The following ADAM10 variants were observed in gnomAD, a reference collection of about 807,000 sequenced individuals.
The protein encoded by ADAM10 is disintegrin and metalloproteinase domain-containing protein 10.
Under a neutral mutation model 90.1 loss-of-function variants are expected in ADAM10, and 17 were observed. The observed-to-expected ratio is 0.19, with a 90% CI of 0.13 to 0.28. The LOEUF (loss-of-function observed/expected upper bound fraction) is 0.28. Ranked by LOEUF, ADAM10 falls within the 10% of genes least tolerant of loss-of-function variation. The pLI is 1.00. For missense variants in ADAM10, 610 were observed against 914.3 expected, an observed-to-expected ratio of 0.67 and a Z score of 4.29; for synonymous variants, 310 against 298.6, an observed-to-expected ratio of 1.04 and a Z score of -0.40.
chr15:58,591,475 C>T lies in ADAM10; in HGVS notation c.*6072G>A, dbSNP rs2140979252. On this transcript the variant is annotated 3_prime_UTR_variant, in exon 16 of 16. Coordinates refer to ENST00000260408, the MANE Select transcript of ADAM10 (RefSeq NM_001110.4). The stretch of plus-strand genomic sequence containing the variant: ...ATGGAGTCTCACTATTTTGCCCAGG[C>T]TGGTCTCTAACTCCTGAGCTCAAGT... 1.3e-5 allele frequency: 2 copies of T among 152,072 alleles called. No individual in the cohort carries two copies. The highest frequency in any genetic ancestry group is 4.8e-5 in the African/African-American group (2 of 41,476). The allele number at this position is 152,072 out of a possible 1,614,324, so 9.4% of individuals were successfully genotyped here.
At chr15:58,701,022 C>CAAAAAAAAAAAAAAAAAAAAAAA (rs386383146) in intron 2 of ADAM10, among the ~76,000 whole-genome samples, 3 of 70,914 alleles carry the variant, frequency 4.2e-5, no homozygotes, top group Non-Finnish European at 7.9e-5. Context: ...AACAAAAAAA[C>CAAAAAAAAAAAAAAAAAAAAAAA]AAAAAAAAAA....
At chr15:58,651,849 A>G (rs1896696635) in intron 5 of ADAM10, among the ~76,000 whole-genome samples, 1 of 152,090 alleles carries the variant, frequency 6.6e-6, no homozygotes, top group Admixed American at 6.5e-5. Context: ...AATTGTACTA[A>G]TTTGCATTCC....
intron 2 of ADAM10, among the ~76,000 whole-genome samples, chr15:58,714,404 T>C (rs1231089025): frequency 2.0e-5 from 3 of 152,146 alleles, no homozygotes; most frequent in Non-Finnish European, 4.4e-5. Flanking sequence ...CTTCTTGGTA[T>C]GTCTAAGTTA....
intron 14 of ADAM10, among the ~76,000 whole-genome samples, chr15:58,607,468 T>C (rs952505199): frequency 1.1e-4 from 16 of 152,238 alleles, no homozygotes; most frequent in African/African-American, 3.6e-4. Flanking sequence ...GAAAGGTCTA[T>C]AGTATGGAGT....
intron 4 of ADAM10, among the ~76,000 whole-genome samples, chr15:58,667,252 T>C (rs1897100455): frequency 6.6e-6 from 1 of 152,150 alleles, no homozygotes; most frequent in Non-Finnish European, 1.5e-5. Context: ...GTTTTGTTGT[T>C]CAAGACACAA....
At chr15:58,713,936 T>C (rs1898561458) in intron 2 of ADAM10, among the ~76,000 whole-genome samples, 1 of 151,646 alleles carries the variant, frequency 6.6e-6, no homozygotes, top group Non-Finnish European at 1.5e-5. Context: ...CCTCAGCCTC[T>C]TGAGTAGCTG....
At chr15:58,662,295 T>A (rs1896987000) in intron 5 of ADAM10, among the ~76,000 whole-genome samples, 1 of 152,220 alleles carries the variant, frequency 6.6e-6, no homozygotes, top group African/African-American at 2.4e-5. Flanking sequence ...ACTCTAGGGC[T>A]AGGTTAGCCC....
In ADAM10 at chr15:58,599,799, A is replaced by G. The variant is rs1895060487; in HGVS notation, c.2026-75T>C. Reference sequence around the variant, plus strand: ...TTTAGAGTATCTTTTACAGTATATAAAACATAGAATAGAACACAGTATATT... The same window carrying G: ...TTTAGAGTATCTTTTACAGTATATAGAACATAGAATAGAACACAGTATATT... On this transcript the variant is annotated intron_variant, in intron 14 of 15. Coordinates refer to ENST00000260408, the MANE Select transcript of ADAM10 (RefSeq NM_001110.4). 6 of 1,455,820 alleles carry G rather than the reference A, an allele frequency of 4.1e-6. No individual in the cohort carries two copies. In the East Asian group the frequency reaches 1.4e-4, roughly 34 times the overall value. The allele number at this position is 1,455,820 out of a possible 1,614,324, so 90.2% of individuals were successfully genotyped here.
intron 14 of ADAM10, 169 bp downstream of exon 14, chr15:58,610,128 C>T (rs778414026): frequency 2.3e-4 from 163 of 699,398 alleles, no homozygotes; most frequent in Non-Finnish European, 3.7e-4. Context: ...ATTCTGATCA[C>T]TTCAGAAGGA....
In ADAM10 at chr15:58,633,229, A is replaced by G. The variant is rs199857079; in HGVS notation, c.1143T>C (p.Phe381=). The G allele has an allele frequency of 1.7e-5, 27 of 1,613,578 alleles. No homozygotes were observed. The highest frequency in any genetic ancestry group is 2.0e-5 in the Non-Finnish European group (24 of 1,179,682). Residue 381 remains phenylalanine (F), a synonymous_variant, in exon 9 of 16, where the codon TTT becomes TTC. Transcript: ENST00000260408. ...CAAAGTTATGTCCAACTTCGTGAGC[A>G]AAAGTAATGTGAGAGACTTTGGGAG... is the stretch of plus-strand genomic sequence containing the variant. ...HVPPKVSHIT[F]AHEVGHNFGS...
At chr15:58,610,057 G>A (rs1895395336) in intron 14 of ADAM10, 1 of 528,504 alleles carries the variant, frequency 1.9e-6, no homozygotes, top group Non-Finnish European at 3.4e-6. Context: ...ATGAACTAAG[G>A]AGCACGGTAA....
At chr15:58,645,782 C>T (rs1896529631) in intron 6 of ADAM10, among the ~76,000 whole-genome samples, 1 of 151,998 alleles carries the variant, frequency 6.6e-6, no homozygotes, top group South Asian at 2.1e-4. Flanking sequence ...CCTTTAAGAC[C>T]ACAAATGAAA....
rs531540427 is a variant in ADAM10 at position 58,720,697 on chromosome 15, G to A, written c.56-2970C>T. Reference sequence around the variant, plus strand: ...ATTACAGGCATGAGCCACCACGCCCGGCCTAGCATGGAACTTTTAAAAATC... The same window carrying A: ...ATTACAGGCATGAGCCACCACGCCCAGCCTAGCATGGAACTTTTAAAAATC... On this transcript the variant is annotated intron_variant, in intron 1 of 15. Coordinates refer to ENST00000260408, the MANE Select transcript of ADAM10 (RefSeq NM_001110.4). Among the ~76,000 whole-genome samples the A allele has an allele frequency of 1.6e-4, 25 of 152,120 alleles. No individual in the cohort carries two copies. The South Asian group carries it at 4.8e-3, about 29-fold the overall frequency.
chr15:58,742,456 G>C (rs987745967), intron 1 of ADAM10, among the ~76,000 whole-genome samples: 1 of 152,048 alleles, frequency 6.6e-6, no homozygotes, highest in African/African-American at 2.4e-5. Context: ...ATACATTTTC[G>C]ACTTACGATA....
chr15:58,671,479 G>C (rs1279616627), intron 4 of ADAM10, among the ~76,000 whole-genome samples: 2 of 152,218 alleles, frequency 1.3e-5, no homozygotes. Context: ...TATCAGAGAT[G>C]TGAAAGGCTG....
chr15:58,735,489 G>A (rs1386685130), intron 1 of ADAM10, among the ~76,000 whole-genome samples: 21 of 152,128 alleles, frequency 1.4e-4, no homozygotes, highest in Admixed American at 1.4e-3. Context: ...TCAAATCCCT[G>A]ACAAAATGAC....
At chr15:58,636,274 T>C (rs1316376945) in intron 8 of ADAM10, among the ~76,000 whole-genome samples, 2 of 148,214 alleles carry the variant, frequency 1.3e-5, no homozygotes, top group African/African-American at 5.1e-5. Flanking sequence ...GAGACTTCGT[T>C]TCAAAAAAAA....
At chr15:58,703,254 G>A (rs1430395699) in intron 2 of ADAM10, among the ~76,000 whole-genome samples, 3 of 133,330 alleles carry the variant, frequency 2.3e-5, no homozygotes, top group African/African-American at 8.5e-5. Context: ...GCCTTATAAT[G>A]ATCACTGTAT....
At chr15:58,722,264 C>T (rs1166491527) in intron 1 of ADAM10, among the ~76,000 whole-genome samples, 1 of 151,886 alleles carries the variant, frequency 6.6e-6, no homozygotes, top group Non-Finnish European at 1.5e-5. Flanking sequence ...ATCACTTGAA[C>T]CCGGAAGGTG....
Sources: allele counts gnomAD v4.1 joint callset (sites outside exome capture counted in the v4.1 genomes callset), GRCh38; gene constraint gnomAD v4.1.1; transcripts MANE v1.5; gene names NCBI Gene and HGNC (gene_info 2026-07-23, HGNC 2026-07-21).